The following SYN3 variants were observed in gnomAD, a reference collection of about 807,000 sequenced individuals.
SYN3 encodes synapsin-3.
In SYN3, 35 loss-of-function variants were observed where a neutral mutation model predicts 65.8. That is an observed-to-expected ratio of 0.53 (90% CI 0.41 to 0.70). SYN3 has a LOEUF of 0.70. Ranked by LOEUF, SYN3 falls within the 30% of genes least tolerant of loss-of-function variation. The pLI is 0.00. For synonymous variants in SYN3, 270 were observed against 292.9 expected, an observed-to-expected ratio of 0.92 and a Z score of 0.80; for missense variants, 680 against 749.0, an observed-to-expected ratio of 0.91 and a Z score of 1.08.
At chr22:32,840,641 C>G (rs946543075) in intron 6 of SYN3, among the ~76,000 whole-genome samples, 3 of 152,232 alleles carry the variant, frequency 2.0e-5, no homozygotes, top group Admixed American at 6.5e-5. Flanking sequence ...TACCGCCGCC[C>G]CCTCCGCCCC....
intron 1 of SYN3, among the ~76,000 whole-genome samples, chr22:33,052,945 T>C (rs2054195509): frequency 6.6e-6 from 1 of 152,222 alleles, no homozygotes; most frequent in Non-Finnish European, 1.5e-5. Context: ...GGAGCATGGA[T>C]AGCTGTATTA....
At chr22:32,547,120 G>A (rs1457329366) in intron 7 of SYN3, among the ~76,000 whole-genome samples, 4 of 151,976 alleles carry the variant, frequency 2.6e-5, no homozygotes, top group East Asian at 1.9e-4. Context: ...TGGGACTACC[G>A]GCGCATGACA....
intron 6 of SYN3, among the ~76,000 whole-genome samples, chr22:32,661,107 T>C (rs1175673327): frequency 5.3e-5 from 8 of 152,174 alleles, no homozygotes; most frequent in Admixed American, 1.3e-4. Flanking sequence ...AGAGAAAACT[T>C]TGGCCTTTAA....
chr22:32,679,682 A>G (rs1246587067), intron 6 of SYN3, among the ~76,000 whole-genome samples: 1 of 152,116 alleles, frequency 6.6e-6, no homozygotes, highest in Non-Finnish European at 1.5e-5. Flanking sequence ...AACAGGTGTG[A>G]GGTGATATCT....
intron 7 of SYN3, among the ~76,000 whole-genome samples, chr22:32,571,547 A>G (rs1244689586): frequency 6.6e-6 from 1 of 152,194 alleles, no homozygotes; most frequent in Non-Finnish European, 1.5e-5. Context: ...TAAATATGTA[A>G]CAAGCAACCT....
At chr22:32,990,138 A>C (rs910292995) in intron 2 of SYN3, among the ~76,000 whole-genome samples, 11 of 152,222 alleles carry the variant, frequency 7.2e-5, no homozygotes, top group African/African-American at 2.7e-4. Context: ...TGGCATAAGG[A>C]GGATAAGGGG....
chr22:32,879,524 AG>A (rs1413412819), intron 4 of SYN3, among the ~76,000 whole-genome samples: 3 of 152,168 alleles, frequency 2.0e-5, no homozygotes, highest in Non-Finnish European at 4.4e-5. Context: ...ACATAGTCGA[AG>A]GGGGAAGGGA....
chr22:32,528,895 C>T lies in SYN3; in HGVS notation c.1209G>A (p.Ala403=). 1 of 1,614,102 alleles carries T rather than the reference C, an allele frequency of 6.2e-7. No individual in the cohort carries two copies. The change falls in exon 11 of 14, where the codon GCG becomes GCA. Residue 403 remains alanine (A), a synonymous_variant. Coordinates refer to ENST00000358763, the MANE Select transcript of SYN3 (RefSeq NM_003490.4). ...TTACCCAAGGTCTGAGGGGGGAGGG[C>T]GCTGTGCCTCCTGGCATCGGGAGCT... ...MSQLPMPGGT[A]PSPLRPWAPQ...
intron 6 of SYN3, among the ~76,000 whole-genome samples, chr22:32,702,050 A>G (rs1370287610): frequency 6.6e-6 from 1 of 152,256 alleles, no homozygotes; most frequent in African/African-American, 2.4e-5. Context: ...GGTAACACAT[A>G]ATAGATATGG....
At chr22:32,975,373 C>CAA (rs34119880) in intron 3 of SYN3, among the ~76,000 whole-genome samples, 7 of 104,268 alleles carry the variant, frequency 6.7e-5, no homozygotes, top group Non-Finnish European at 1.0e-4. Context: ...GACTCCGCCT[C>CAA]AAAAAAAAAA....
chr22:32,765,939 C>T (rs995093057), intron 6 of SYN3, among the ~76,000 whole-genome samples: 1 of 152,160 alleles, frequency 6.6e-6, no homozygotes, highest in Non-Finnish European at 1.5e-5. Flanking sequence ...AGATTCCAGT[C>T]CTGTAAACCC....
chr22:32,937,707 G>GC (rs2050812760), intron 3 of SYN3, among the ~76,000 whole-genome samples: 1 of 152,104 alleles, frequency 6.6e-6, no homozygotes, highest in Non-Finnish European at 1.5e-5. Flanking sequence ...CAACAGCGGG[G>GC]ATTACAATTC....
intron 3 of SYN3, among the ~76,000 whole-genome samples, chr22:32,948,876 T>TA (rs200190615): frequency 0.22 from 29,270 of 135,108 alleles, 3,490 homozygotes; most frequent in Non-Finnish European, 0.29. Flanking sequence ...ATTAAATGTC[T>TA]AAAAAAAAAA....
At chr22:32,999,191 G>A (rs1256477202) in intron 2 of SYN3, among the ~76,000 whole-genome samples, 1 of 152,182 alleles carries the variant, frequency 6.6e-6, no homozygotes, top group Non-Finnish European at 1.5e-5. Flanking sequence ...ACACAAGGGA[G>A]GTCGATATTA....
At chr22:32,605,529 T>C (rs2059360644) in intron 6 of SYN3, among the ~76,000 whole-genome samples, 1 of 152,226 alleles carries the variant, frequency 6.6e-6, no homozygotes, top group Non-Finnish European at 1.5e-5. Context: ...CACGTAAGCC[T>C]CTTGATACTT....
intron 4 of SYN3, among the ~76,000 whole-genome samples, chr22:32,921,212 T>C (rs974269552): frequency 1.3e-5 from 2 of 152,188 alleles, no homozygotes. Flanking sequence ...CCCTGGAACA[T>C]AGTAGGTCCT....
At chr22:32,979,164 G>A (rs1292496030) in intron 3 of SYN3, among the ~76,000 whole-genome samples, 1 of 150,246 alleles carries the variant, frequency 6.7e-6, no homozygotes, top group African/African-American at 2.4e-5. Flanking sequence ...CTCCAGCCTG[G>A]GCAAGAGAGT....
chr22:32,685,677 T>G (rs1438658367), intron 6 of SYN3, among the ~76,000 whole-genome samples: 2 of 152,230 alleles, frequency 1.3e-5, no homozygotes, highest in Non-Finnish European at 2.9e-5. Flanking sequence ...GTAAGTGCGC[T>G]CTGTGATGTT....
In SYN3 at chr22:32,742,057, A is replaced by G. The variant is rs1417081006; in HGVS notation, c.711+122858T>C. ...GGGAGCCCGAGGCAGGCGGATCACGAGGTCAGGAGATCGAGACCATCCTGG... is the reference window on the plus strand; with the variant it reads ...GGGAGCCCGAGGCAGGCGGATCACGGGGTCAGGAGATCGAGACCATCCTGG... On this transcript the variant is annotated intron_variant, in intron 6 of 13. Transcript: ENST00000358763. Among the ~76,000 whole-genome samples, 6 of 151,860 alleles carry G rather than the reference A, an allele frequency of 4.0e-5. No homozygotes were observed. In the East Asian group the frequency reaches 1.2e-3, roughly 30 times the overall value.
Sources: gnomAD v4.1 joint callset for allele counts (sites outside exome capture counted in the v4.1 genomes callset) on GRCh38, gnomAD v4.1.1 for gene constraint, MANE v1.5 for transcripts, NCBI Gene and HGNC (gene_info 2026-07-23, HGNC 2026-07-21) for gene names.